Variants in CTSH observed in about 807,000 individuals in gnomAD.
CTSH encodes the protein cathepsin H.
CTSH carries 52 observed loss-of-function variants against 56.3 expected under a neutral mutation model. The observed-to-expected ratio is 0.92, with a 90% CI of 0.74 to 1.16. The LOEUF is 1.16. Ranked by LOEUF, CTSH falls within the 50% of genes most tolerant of loss-of-function variation. The pLI, the probability that CTSH is intolerant of heterozygous loss-of-function variation, is 0.00. For synonymous variants in CTSH, 174 were observed against 155.7 expected, an observed-to-expected ratio of 1.12 and a Z score of -0.88; for missense variants, 406 against 424.5, an observed-to-expected ratio of 0.96 and a Z score of 0.38.
Position 78,922,196 on chromosome 15 carries a change from G to A in CTSH, c.942C>T (p.Leu314=), listed in dbSNP as rs752363317. 1.9e-6 allele frequency: 3 copies of A among 1,578,032 alleles called. No homozygotes were observed. Among genetic ancestry groups the A allele is most frequent in the African/African-American group, 1.3e-5 (1 of 74,454 alleles). The change falls in exon 12 of 12, where the codon CTC becomes CTT. Residue 314 remains leucine, a synonymous_variant. Coordinates refer to ENST00000220166, the MANE Select transcript of CTSH (RefSeq NM_004390.5). The part of the protein sequence containing the change: ...GPQWGMNGYF[L]IERGKNMCGL... ...CACACATGTTCTTTCCGCGCTCGATGAGGAAGTACCTGGGCAGAAAGAGGA... is the reference window on the plus strand; with the variant it reads ...CACACATGTTCTTTCCGCGCTCGATAAGGAAGTACCTGGGCAGAAAGAGGA...
chr15:78,941,034 T>G (rs1352476483), intron 1 of CTSH, among the ~76,000 whole-genome samples: 14 of 152,162 alleles, frequency 9.2e-5, no homozygotes. Context: ...CCTATCTCCA[T>G]CCCCACCTGG....
intron 1 of CTSH, among the ~76,000 whole-genome samples, chr15:78,941,790 C>A (rs1420264525): frequency 1.7e-5 from 2 of 119,734 alleles, no homozygotes; most frequent in Non-Finnish European, 3.8e-5. Context: ...AATGAGACTC[C>A]GTCTCAAAAA....
Position 78,929,503 on chromosome 15 carries a change from G to C in CTSH, c.549-10C>G. On this transcript the variant is annotated splice_polypyrimidine_tract_variant and intron_variant, in intron 7 of 11. Coordinates refer to ENST00000220166, the MANE Select transcript of CTSH (RefSeq NM_004390.5). ...CTGGCTGGGGAGACCCCTGCAAGAA[G>C]TACACACAGGTGAGCCCACCTGGGG... 6.2e-7 allele frequency: 1 copy of C among 1,603,788 alleles called. No homozygotes were observed. Among genetic ancestry groups the C allele is most frequent in the South Asian group, 1.1e-5 (1 of 89,762 alleles).
chr15:78,931,374 C>G lies in CTSH; in HGVS notation c.548+77G>C, dbSNP rs1345163612. The stretch of plus-strand genomic sequence containing the variant: ...GTGGTGGGTTATATCTGTGGCAGAC[C>G]CAGCACACACTGGATCCTGTCGAAG... On this transcript the variant is annotated intron_variant, in intron 7 of 11. Transcript: ENST00000220166. 10 of 1,583,354 alleles carry G rather than the reference C, an allele frequency of 6.3e-6. No homozygotes were observed. In the African/African-American group the frequency reaches 1.2e-4, roughly 19 times the overall value.
intron 5 of CTSH, 142 bp from the exon 6 acceptor site, chr15:78,932,600 C>G: frequency 1.6e-6 from 1 of 633,298 alleles, no homozygotes; most frequent in Non-Finnish European, 2.8e-6. Context: ...TGTTCCAGAT[C>G]CATTCATTCT....
At chr15:78,929,582 T>A in intron 7 of CTSH, 89 bp from the exon 8 acceptor site, 2 of 840,006 alleles carry the variant, frequency 2.4e-6, no homozygotes, top group Non-Finnish European at 3.7e-6. Context: ...ATATCTGGCC[T>A]GGCAGGCTGG....
intron 5 of CTSH, among the ~76,000 whole-genome samples, chr15:78,933,138 C>T (rs1156911556): frequency 3.3e-5 from 5 of 152,202 alleles, no homozygotes; most frequent in African/African-American, 1.2e-4. Flanking sequence ...CTGCCTAGCC[C>T]CCTTATTCAC....
intron 6 of CTSH, chr15:78,932,003 T>A (rs1372273096): frequency 1.7e-6 from 2 of 1,164,660 alleles, no homozygotes; most frequent in South Asian, 2.3e-5. Context: ...GATGGATGCA[T>A]AGGTCCCGGC....
intron 8 of CTSH, among the ~76,000 whole-genome samples, chr15:78,928,828 G>A (rs1331305986): frequency 6.6e-6 from 1 of 152,192 alleles, no homozygotes; most frequent in Non-Finnish European, 1.5e-5. Flanking sequence ...TGGCGGCAGG[G>A]TGGGGTGGAG....
At chr15:78,927,852 TAAC>T in intron 8 of CTSH, 71 bp from the exon 9 acceptor site, 1 of 1,244,462 alleles carries the variant, frequency 8.0e-7, no homozygotes, top group South Asian at 1.2e-5. Flanking sequence ...CGCAGTTCAA[TAAC>T]ATTTACTAAA....
In CTSH at chr15:78,930,346, T is replaced by C. The variant is rs560272681; in HGVS notation, c.549-853A>G. 2.6e-5 allele frequency among the ~76,000 whole-genome samples: 4 copies of C among 152,088 alleles called. No individual in the cohort carries two copies. In the South Asian group the frequency reaches 8.3e-4, roughly 32 times the overall value. ...TTCGAGACTAGCCTGGCCAACATGG[T>C]GAAACCCCCATCTCTACTAAAAATA... On this transcript the variant is annotated intron_variant, in intron 7 of 11. Transcript: ENST00000220166.
chr15:78,943,163 A>T (rs1178431431), intron 1 of CTSH, among the ~76,000 whole-genome samples: 6 of 152,198 alleles, frequency 3.9e-5, no homozygotes, highest in African/African-American at 7.2e-5. Flanking sequence ...ACCCTAAAAT[A>T]GATCCATTCC....
intron 2 of CTSH, 151 bp from the exon 3 acceptor site, chr15:78,937,574 G>C: frequency 7.2e-7 from 1 of 1,381,308 alleles, no homozygotes. Context: ...GTACTGCTGA[G>C]AAATTTGGGA....
chr15:78,935,585 G>C lies in CTSH; in HGVS notation c.300+95C>G, dbSNP rs376791884. ...GATACCCTCAGCTGCATCTGGGGAT[G>C]GGACTGAATCTGCCTAGAAGCAGAG... On this transcript the variant is annotated intron_variant, in intron 4 of 11. Transcript: ENST00000220166. 1.8e-5 allele frequency: 18 copies of C among 1,023,490 alleles called. No individual in the cohort carries two copies. In the African/African-American group the frequency reaches 2.9e-4, roughly 16 times the overall value. The allele number at this position is 1,023,490 out of a possible 1,614,324, so 63.4% of individuals were successfully genotyped here.
chr15:78,935,564 C>A (rs1225550043), intron 4 of CTSH, 116 bp downstream of exon 4: 5 of 801,078 alleles, frequency 6.2e-6, no homozygotes, highest in Non-Finnish European at 1.0e-5. Context: ...TCTGGGGATA[C>A]CCTCAGCTGC....
chr15:78,931,343 A>G (rs2055055319), intron 7 of CTSH, 108 bp downstream of exon 7: 1 of 1,443,842 alleles, frequency 6.9e-7, no homozygotes, highest in African/African-American at 1.4e-5. Context: ...GCCATCGCCC[A>G]GGGCAGTGGT....
intron 10 of CTSH, among the ~76,000 whole-genome samples, chr15:78,923,594 A>G (rs866890640): frequency 6.6e-6 from 1 of 151,978 alleles, no homozygotes. Flanking sequence ...CGGCCCTTTC[A>G]GTTCTTTTGG....
Position 78,935,756 on chromosome 15 carries a change from A to G in CTSH, c.230-6T>C. On this transcript the variant is annotated splice_region_variant and splice_polypyrimidine_tract_variant and intron_variant, in intron 3 of 11. Coordinates refer to ENST00000220166, the MANE Select transcript of CTSH (RefSeq NM_004390.5). ...TGAAAATTGGTTCAGTGCCACTACAAAAGAGAAGGAAAAAACCAAAACAGA... is the reference window on the plus strand; with the variant it reads ...TGAAAATTGGTTCAGTGCCACTACAGAAGAGAAGGAAAAAACCAAAACAGA... The G allele has an allele frequency of 6.2e-7, 1 of 1,603,364 alleles. No homozygotes were observed. Among genetic ancestry groups the G allele is most frequent in the Non-Finnish European group, 8.5e-7 (1 of 1,172,406 alleles).
intron 2 of CTSH, 80 bp from the exon 3 acceptor site, chr15:78,937,503 G>A (rs2055201647): frequency 7.0e-7 from 1 of 1,419,530 alleles, no homozygotes; most frequent in African/African-American, 1.4e-5. Context: ...TTTCCTAAGA[G>A]GAAAGATGAA....
Sources: gnomAD v4.1 joint callset for allele counts (sites outside exome capture counted in the v4.1 genomes callset) on GRCh38, gnomAD v4.1.1 for gene constraint, MANE v1.5 for transcripts, NCBI Gene and HGNC (gene_info 2026-07-23, HGNC 2026-07-21) for gene names.